NLGN1: variants seen among roughly 807,000 people sequenced by gnomAD.
The protein encoded by NLGN1 is neuroligin-1.
A neutral mutation model predicts 65.5 loss-of-function variants in NLGN1; 12 were observed. The ratio of observed to expected loss-of-function variants is 0.18; its 90% CI spans 0.12 to 0.30. The LOEUF is 0.30. NLGN1 is among the 10% of genes least tolerant of loss of function. NLGN1 has a pLI of 1.00. For missense variants in NLGN1, 750 were observed against 1,007.1 expected (o/e 0.74, Z 3.46); for synonymous variants, 350 against 359.5 (o/e 0.97, Z 0.30).
At chr3:173,544,553 G>A (rs1403249749) in intron 2 of NLGN1, among the ~76,000 whole-genome samples, 1 of 151,916 alleles carries the variant, frequency 6.6e-6, no homozygotes, top group Non-Finnish European at 1.5e-5. Flanking sequence ...AGACTACAAG[G>A]AAAGGATTTA....
chr3:173,412,032 T>C (rs1020789284), intron 1 of NLGN1, among the ~76,000 whole-genome samples: 4 of 152,192 alleles, frequency 2.6e-5, no homozygotes, highest in African/African-American at 9.7e-5. Context: ...CCACTTTCTC[T>C]CTCTCACTTG....
chr3:173,568,763 T>C (rs1045445561), intron 2 of NLGN1, among the ~76,000 whole-genome samples: 4 of 152,216 alleles, frequency 2.6e-5, no homozygotes, highest in Admixed American at 6.5e-5. Context: ...AAGCTCCGCC[T>C]CCTGGGTTCA....
At chr3:173,521,638 A>G (rs997736748) in intron 2 of NLGN1, among the ~76,000 whole-genome samples, 19 of 152,092 alleles carry the variant, frequency 1.2e-4, no homozygotes, top group Non-Finnish European at 1.5e-5. Flanking sequence ...ATTTATTAAC[A>G]CTGTTACTTC....
At chr3:173,584,014 C>T (rs1222727385) in intron 2 of NLGN1, among the ~76,000 whole-genome samples, 4 of 151,556 alleles carry the variant, frequency 2.6e-5, no homozygotes, top group Non-Finnish European at 2.9e-5. Context: ...TTGAAATCAC[C>T]GAATTGCCTC....
At chr3:174,035,554 C>T (rs549532496) in intron 4 of NLGN1, among the ~76,000 whole-genome samples, 1 of 152,130 alleles carries the variant, frequency 6.6e-6, no homozygotes, top group Non-Finnish European at 1.5e-5. Flanking sequence ...ACAGCTTTAC[C>T]ACATGGGTTG....
intron 2 of NLGN1, among the ~76,000 whole-genome samples, chr3:173,462,659 T>G (rs1303577440): frequency 2.0e-5 from 3 of 152,162 alleles, no homozygotes; most frequent in Non-Finnish European, 4.4e-5. Context: ...CCTTGTTACC[T>G]TGCTTTCATA....
chr3:173,865,637 G>A (rs142077172), intron 4 of NLGN1, among the ~76,000 whole-genome samples: 2 of 152,086 alleles, frequency 1.3e-5, no homozygotes, highest in Non-Finnish European at 2.9e-5. Flanking sequence ...GAGAAACTGA[G>A]GTTTAAATCC....
At chr3:173,454,340 C>T (rs1173231415) in intron 2 of NLGN1, among the ~76,000 whole-genome samples, 1 of 152,136 alleles carries the variant, frequency 6.6e-6, no homozygotes, top group East Asian at 1.9e-4. Flanking sequence ...TTGCATTAGC[C>T]CTTAACAAGA....
At chr3:173,748,454 G>A (rs976443863) in intron 3 of NLGN1, among the ~76,000 whole-genome samples, 2 of 152,104 alleles carry the variant, frequency 1.3e-5, no homozygotes, top group African/African-American at 4.8e-5. Flanking sequence ...CTTCCCTAGA[G>A]CTGTCCACAA....
chr3:174,238,806 A>G (rs1742236590), intron 4 of NLGN1, among the ~76,000 whole-genome samples: 1 of 152,144 alleles, frequency 6.6e-6, no homozygotes, highest in Admixed American at 6.5e-5. Flanking sequence ...TTCTTGTAGT[A>G]AATCAGTTTT....
intron 3 of NLGN1, among the ~76,000 whole-genome samples, chr3:173,776,389 T>C (rs980039813): frequency 1.3e-5 from 2 of 152,042 alleles, no homozygotes; most frequent in Non-Finnish European, 2.9e-5. Context: ...AAAATTATTG[T>C]TGCAGCTTTG....
rs374634202 is a variant in NLGN1 at position 173,911,214 on chromosome 3, G to A, written c.646+103382G>A. 1.7e-3 allele frequency among the ~76,000 whole-genome samples: 257 copies of A among 152,172 alleles called. 2 individuals carry two copies. The highest frequency in any genetic ancestry group is 6.0e-3 in the African/African-American group (248 of 41,538). On this transcript the variant is annotated intron_variant, in intron 4 of 6. Coordinates refer to ENST00000457714, the Ensembl canonical transcript of NLGN1. ...AATAATTGTTTAAGCTGTTACAAGC[G>A]CCAGTGCTTTTTATAGCTAATATTC...
intron 2 of NLGN1, among the ~76,000 whole-genome samples, chr3:173,465,542 G>A (rs79428835): frequency 2.2e-4 from 33 of 152,250 alleles, no homozygotes; most frequent in African/African-American, 7.2e-4. Context: ...TGTTTTTAAC[G>A]GAAATGCCAA....
intron 4 of NLGN1, among the ~76,000 whole-genome samples, chr3:174,271,363 C>CTAAG (rs1416350085): frequency 6.6e-6 from 1 of 151,310 alleles, no homozygotes; most frequent in Middle Eastern, 3.2e-3. Context: ...TGTAAGAGAC[C>CTAAG]TAAGTATAAA....
downstream of NLGN1, among the ~76,000 whole-genome samples, chr3:174,291,355 A>C (rs1212042413): frequency 6.6e-6 from 1 of 151,064 alleles, no homozygotes; most frequent in African/African-American, 2.4e-5. Context: ...TTTACAATAC[A>C]ACAGAAAAAA....
chr3:173,928,266 CTGTTCTTGGGGA>C (rs1475929186), intron 4 of NLGN1, among the ~76,000 whole-genome samples: 10 of 152,166 alleles, frequency 6.6e-5, no homozygotes, highest in Non-Finnish European at 1.5e-4. Flanking sequence ...TTCTGATCCT[CTGTTCTTGGGGA>C]TCACCACATA....
intron 4 of NLGN1, among the ~76,000 whole-genome samples, chr3:174,225,516 G>A (rs1739466144): frequency 6.6e-6 from 1 of 152,172 alleles, no homozygotes; most frequent in African/African-American, 2.4e-5. Flanking sequence ...CGGATCATGA[G>A]GTCAGGAGAT....
chr3:173,409,217 T>G (rs1711985185), intron 1 of NLGN1, among the ~76,000 whole-genome samples: 2 of 152,168 alleles, frequency 1.3e-5, no homozygotes, highest in Admixed American at 1.3e-4. Context: ...GCAATATCTT[T>G]TATTTATCCT....
chr3:174,231,910 C>G (rs934138832), intron 4 of NLGN1, among the ~76,000 whole-genome samples: 2 of 152,182 alleles, frequency 1.3e-5, no homozygotes, highest in Non-Finnish European at 2.9e-5. Flanking sequence ...AGTTACATAT[C>G]CCTTAACTTA....
Sources: allele counts gnomAD v4.1 joint callset (sites outside exome capture counted in the v4.1 genomes callset), GRCh38; gene constraint gnomAD v4.1.1; transcripts MANE v1.5; gene names NCBI Gene and HGNC (gene_info 2026-07-23, HGNC 2026-07-21).